ABHD12: variants seen among roughly 807,000 people sequenced by gnomAD.
ABHD12 encodes the protein abhydrolase domain containing 12, lysophospholipase.
Under a neutral mutation model 58.3 loss-of-function variants are expected in ABHD12, and 43 were observed. The observed-to-expected ratio is 0.74, with a 90% confidence interval of 0.58 to 0.95. The LOEUF is 0.95. ABHD12 is among the 40% of genes least tolerant of loss of function. The pLI is 0.00. For synonymous variants in ABHD12, 219 were observed against 211.2 expected, an observed-to-expected ratio of 1.04 and a Z score of -0.32; for missense variants, 539 against 537.2, an observed-to-expected ratio of 1.00 and a Z score of -0.03.
chr20:25,328,238 C>T (rs2089209579), intron 2 of ABHD12, among the ~76,000 whole-genome samples: 1 of 152,140 alleles, frequency 6.6e-6, no homozygotes, highest in African/African-American at 2.4e-5. Flanking sequence ...AAAGTGAGTC[C>T]ACTTCAGACT....
chr20:25,354,664 T>G (rs1398249064), intron 1 of ABHD12, among the ~76,000 whole-genome samples: 1 of 151,952 alleles, frequency 6.6e-6, no homozygotes, highest in Non-Finnish European at 1.5e-5. Context: ...CCCAAATGGA[T>G]GGTGAAAGAC....
rs1219753225 is a variant in ABHD12 at position 25,322,377 on chromosome 20, A to T, written c.422+948T>A. On this transcript the variant is annotated intron_variant, in intron 3 of 12. Coordinates refer to ENST00000339157, the MANE Select transcript of ABHD12 (RefSeq NM_001042472.3). Reference sequence around the variant, plus strand: ...TCTTGGAAAAGATATATATATATATATATATTTTTTTTTTTTTTTGAGACA... The same window carrying T: ...TCTTGGAAAAGATATATATATATATTTATATTTTTTTTTTTTTTTGAGACA... Among the ~76,000 whole-genome samples the T allele has an allele frequency of 6.2e-4, 26 of 42,274 alleles. 1 individual carries two copies. The highest frequency in any genetic ancestry group is 3.3e-3 in the South Asian group (3 of 908). The allele number at this position is 42,274 out of a possible 152,430, so 27.7% of individuals were successfully genotyped here. A position where few individuals can be genotyped will look rare whatever the true frequency, so the allele number is the denominator to read the frequency against.
intron 2 of ABHD12, among the ~76,000 whole-genome samples, chr20:25,335,142 G>A (rs976299858): frequency 2.8e-4 from 43 of 152,024 alleles, no homozygotes; most frequent in Admixed American, 1.0e-3. Context: ...AAAAGTGGGC[G>A]AAGGACATGA....
At chr20:25,368,380 G>C (rs2089852743) in intron 1 of ABHD12, 5 of 1,584,694 alleles carry the variant, frequency 3.2e-6, no homozygotes, top group African/African-American at 1.3e-5. Flanking sequence ...CTTTCGCCTT[G>C]CCACAGACCA....
rs138655141 is a variant in ABHD12, at chr20:25,374,863, T to C, written c.191+15650A>G. On this transcript the variant is annotated intron_variant, in intron 1 of 12. Transcript: ENST00000339157. Reference sequence around the variant, plus strand: ...CGTGTCAGTACTCAGTCGGTTTTCATTGATTATTCTCTTCATTATATACAC... The same window carrying C: ...CGTGTCAGTACTCAGTCGGTTTTCACTGATTATTCTCTTCATTATATACAC... Among the ~76,000 whole-genome samples, 25 of 152,318 alleles carry C rather than the reference T, an allele frequency of 1.6e-4. No homozygotes were observed. In the East Asian group the frequency reaches 3.5e-3, roughly 21 times the overall value.
At chr20:25,367,220 T>C (rs986988754) in intron 1 of ABHD12, among the ~76,000 whole-genome samples, 2 of 152,186 alleles carry the variant, frequency 1.3e-5, no homozygotes, top group Non-Finnish European at 2.9e-5. Context: ...GGGGATAGTG[T>C]GTCCATACAC....
chr20:25,349,839 C>A (rs1367973613), intron 1 of ABHD12, among the ~76,000 whole-genome samples: 2 of 152,024 alleles, frequency 1.3e-5, no homozygotes, highest in East Asian at 3.8e-4. Flanking sequence ...GTTTGCACAA[C>A]AATGTGAAAG....
At position 25,308,938 on chromosome 20, in the gene ABHD12, C is replaced by T. The variant is rs187502100; in HGVS notation, c.750-444G>A. Among the ~76,000 whole-genome samples the T allele has an allele frequency of 9.3e-4, 141 of 152,306 alleles. 2 individuals are homozygous for T. The South Asian group carries it at 0.021, about 23-fold the overall frequency. On this transcript the variant is annotated intron_variant, in intron 7 of 12. Transcript: ENST00000339157. ...TCCTCTCCTGATGCTTCCCAGCCTACAAGAGGCCATTCAGGTGTTGGGAGA... is the reference window on the plus strand; with the variant it reads ...TCCTCTCCTGATGCTTCCCAGCCTATAAGAGGCCATTCAGGTGTTGGGAGA...
intron 7 of ABHD12, among the ~76,000 whole-genome samples, chr20:25,308,974 C>A (rs983776655): frequency 6.6e-6 from 1 of 152,126 alleles, no homozygotes; most frequent in Non-Finnish European, 1.5e-5. Context: ...AGGGCTGCCC[C>A]GAAGGGAAAG....
chr20:25,321,202 T>C (rs1181615211), intron 3 of ABHD12, among the ~76,000 whole-genome samples: 1 of 152,268 alleles, frequency 6.6e-6, no homozygotes, highest in East Asian at 1.9e-4. Context: ...ATTTGAGGGA[T>C]AGGACGTCAC....
chr20:25,338,472 T>C (rs535895900), intron 2 of ABHD12, among the ~76,000 whole-genome samples: 3 of 152,170 alleles, frequency 2.0e-5, no homozygotes, highest in Non-Finnish European at 4.4e-5. Flanking sequence ...ATGCGGCCCT[T>C]TCCTTGGAGC....
At chr20:25,316,139 G>A (rs1163343734) in intron 5 of ABHD12, among the ~76,000 whole-genome samples, 1 of 151,006 alleles carries the variant, frequency 6.6e-6, no homozygotes, top group Non-Finnish European at 1.5e-5. Context: ...TGTAGCACCT[G>A]GAGCACCTGG....
chr20:25,388,780 A>ACTTTTTCTT (rs1568783127), intron 1 of ABHD12, among the ~76,000 whole-genome samples: 1 of 105,930 alleles, frequency 9.4e-6, no homozygotes, highest in Non-Finnish European at 2.0e-5. Context: ...AAACAATTTG[A>ACTTTTTCTT]TTTTTTCTTT....
At chr20:25,335,123 A>T (rs1311926439) in intron 2 of ABHD12, among the ~76,000 whole-genome samples, 1 of 151,734 alleles carries the variant, frequency 6.6e-6, no homozygotes, top group Admixed American at 6.6e-5. Context: ...AAAACAAACA[A>T]CCCCATCAAA....
chr20:25,341,499 C>G (rs2089454077), intron 1 of ABHD12, among the ~76,000 whole-genome samples: 1 of 152,230 alleles, frequency 6.6e-6, no homozygotes, highest in Non-Finnish European at 1.5e-5. Flanking sequence ...TAACCCATCA[C>G]TTACTAGCTG....
intron 1 of ABHD12, among the ~76,000 whole-genome samples, chr20:25,383,165 C>T (rs535793734): frequency 2.0e-5 from 3 of 152,268 alleles, no homozygotes; most frequent in Non-Finnish European, 2.9e-5. Flanking sequence ...TACTGAACCT[C>T]GGGAAGGCTG....
intron 10 of ABHD12, among the ~76,000 whole-genome samples, chr20:25,304,325 G>A (rs1452045301): frequency 3.9e-5 from 6 of 152,270 alleles, no homozygotes; most frequent in Non-Finnish European, 4.4e-5. Context: ...AGTAAGGCTT[G>A]TCTGATGTGC....
chr20:25,390,476 G>GGGGGGGGGC, intron 1 of ABHD12, 37 bp downstream of exon 1: 1 of 1,031,726 alleles, frequency 9.7e-7, no homozygotes, highest in Non-Finnish European at 1.2e-6. Flanking sequence ...GTGAGGGACC[G>GGGGGGGGGC]GCCCCCCCCC....
intron 1 of ABHD12, among the ~76,000 whole-genome samples, chr20:25,385,829 T>C (rs2090082333): frequency 6.6e-6 from 1 of 152,138 alleles, no homozygotes; most frequent in Admixed American, 6.5e-5. Context: ...CCGGGTGCGG[T>C]GGCTGACACC....
Sources: allele counts gnomAD v4.1 joint callset (sites outside exome capture counted in the v4.1 genomes callset), GRCh38; gene constraint gnomAD v4.1.1; transcripts MANE v1.5; gene names NCBI Gene and HGNC (gene_info 2026-07-23, HGNC 2026-07-21).